Variants in ADGRL1 observed in about 807,000 individuals in gnomAD.
ADGRL1 encodes adhesion G protein-coupled receptor L1, also known as CIRL-1.
Under a neutral mutation model 148.9 loss-of-function variants are expected in ADGRL1, and 31 were observed. The observed-to-expected ratio is 0.21, with a 90% CI of 0.16 to 0.28. The LOEUF is 0.28. Among genes scored for constraint, ADGRL1 ranks in the 10% least tolerant of loss-of-function variants. The probability of loss-of-function intolerance (pLI) is 1.00; values close to 1 mark genes in which losing one functional copy is unlikely to be tolerated. For synonymous variants in ADGRL1, 937 were observed against 900.3 expected, an observed-to-expected ratio of 1.04 and a Z score of -0.73; for missense variants, 1,521 against 2,058.8, an observed-to-expected ratio of 0.74 and a Z score of 5.05.
intron 1 of ADGRL1, among the ~76,000 whole-genome samples, chr19:14,195,368 C>T (rs1349445970): frequency 6.6e-6 from 1 of 151,270 alleles, no homozygotes; most frequent in Non-Finnish European, 1.5e-5. Context: ...GGAGGAGAAG[C>T]GGCTGCTGGG....
intron 4 of ADGRL1, among the ~76,000 whole-genome samples, chr19:14,168,148 G>A (rs1970160950): frequency 6.6e-6 from 1 of 151,428 alleles, no homozygotes; most frequent in Non-Finnish European, 1.5e-5. Flanking sequence ...CTGCATCCCT[G>A]GCCCCTCAGG....
chr19:14,181,338 T>C (rs976105582), intron 2 of ADGRL1, among the ~76,000 whole-genome samples: 6 of 152,238 alleles, frequency 3.9e-5, no homozygotes, highest in African/African-American at 1.4e-4. Flanking sequence ...TCGGGCCCCA[T>C]ACTCGGCCTG....
Position 14,161,434 on chromosome 19 carries a change from G to C in ADGRL1, c.1388C>G (p.Pro463Arg), listed in dbSNP as rs749881139. 1 of 1,483,194 alleles carries C rather than the reference G, an allele frequency of 6.7e-7. No homozygotes were observed. Among genetic ancestry groups the C allele is most frequent in the South Asian group, 1.3e-5 (1 of 74,280 alleles). 91.9% of individuals were successfully genotyped at this position (1,483,194 alleles called of 1,614,324 possible). Residue 463 changes from proline (P) to arginine (R), a missense_variant, in exon 6 of 23, where the codon CCA (proline) becomes CGA (arginine). Physicochemically the swap from Pro to Arg is moderately radical, Grantham distance 103. Coordinates refer to ENST00000361434, the MANE Select transcript of ADGRL1 (RefSeq NM_014921.5). This position sits in a 1 kb window ranked among gnomAD's most constrained non-coding sequence, Gnocchi z 4.4. ...AGGGGACACGTGTAGATTCGGGGCT[G>C]GGGGCCGCCGGGTGCTGGGGACTGG... is the stretch of plus-strand genomic sequence containing the variant. Reference protein sequence around the residue: ...TAPVPSTRRPPAPNLHVSPEL... With the variant: ...TAPVPSTRRPRAPNLHVSPEL...
chr19:14,158,603 C>G (rs1969014064), intron 11 of ADGRL1, 51 bp from the exon 12 acceptor site: 1 of 1,469,020 alleles, frequency 6.8e-7, no homozygotes, highest in Middle Eastern at 1.8e-4. Context: ...GCTGGCGCAC[C>G]TCCATCCAGG....
At chr19:14,198,374 C>T (rs547018670) in intron 1 of ADGRL1, among the ~76,000 whole-genome samples, 1 of 152,054 alleles carries the variant, frequency 6.6e-6, no homozygotes, top group Non-Finnish European at 1.5e-5. Context: ...CTCTACCCCA[C>T]CTGTCCCTTG....
intron 2 of ADGRL1, among the ~76,000 whole-genome samples, chr19:14,182,226 G>A (rs1018582534): frequency 6.6e-6 from 1 of 152,206 alleles, no homozygotes; most frequent in African/African-American, 2.4e-5. Context: ...GCAGTGAGAT[G>A]ATATGAATGC....
chr19:14,204,723 A>T (rs1386133347), intron 1 of ADGRL1, among the ~76,000 whole-genome samples: 8 of 146,918 alleles, frequency 5.4e-5, no homozygotes, highest in Non-Finnish European at 1.1e-4. Flanking sequence ...TGAGAGAGAG[A>T]GAGAGAGAGA....
intron 1 of ADGRL1, among the ~76,000 whole-genome samples, chr19:14,193,807 G>T (rs549311156): frequency 1.3e-5 from 2 of 152,308 alleles, no homozygotes; most frequent in African/African-American, 4.8e-5. Context: ...GATGCTTCTA[G>T]AAGCCAGGGA....
At chr19:14,174,858 T>TTTTTC (rs1568605394) in intron 3 of ADGRL1, among the ~76,000 whole-genome samples, 1 of 136,772 alleles carries the variant, frequency 7.3e-6, no homozygotes. Flanking sequence ...TTTTTTTTTT[T>TTTTTC]AGAGACAGGG....
chr19:14,205,796 G>A (rs944947928), intron 1 of ADGRL1, among the ~76,000 whole-genome samples, 189 bp downstream of exon 1: 4 of 151,410 alleles, frequency 2.6e-5, no homozygotes, highest in Non-Finnish European at 5.9e-5. Context: ...CAGTGGGGGT[G>A]AGGTGCGGGC....
chr19:14,173,310 C>T (rs758929632), intron 3 of ADGRL1, among the ~76,000 whole-genome samples: 9 of 152,032 alleles, frequency 5.9e-5, no homozygotes, highest in African/African-American at 9.7e-5. Flanking sequence ...TTGCCCAGGA[C>T]GGAGAGCAGC....
At chr19:14,197,898 G>T (rs1020868118) in intron 1 of ADGRL1, among the ~76,000 whole-genome samples, 1 of 152,206 alleles carries the variant, frequency 6.6e-6, no homozygotes, top group Non-Finnish European at 1.5e-5. Flanking sequence ...TGTTTACCGA[G>T]TTCCCAACTG....
At chr19:14,183,072 G>A (rs751688526) in intron 2 of ADGRL1, among the ~76,000 whole-genome samples, 4 of 152,202 alleles carry the variant, frequency 2.6e-5, no homozygotes, top group Non-Finnish European at 4.4e-5. Flanking sequence ...TAATAGTGGC[G>A]TGTGCAGGAT....
At chr19:14,187,393 A>G (rs1971640183) in intron 1 of ADGRL1, among the ~76,000 whole-genome samples, 1 of 152,160 alleles carries the variant, frequency 6.6e-6, no homozygotes, top group South Asian at 2.1e-4. Context: ...AGATCCCCAC[A>G]GGGCAGGACA....
intron 1 of ADGRL1, among the ~76,000 whole-genome samples, chr19:14,202,180 G>A (rs1972657406): frequency 6.6e-6 from 1 of 152,036 alleles, no homozygotes; most frequent in Non-Finnish European, 1.5e-5. Flanking sequence ...AGAGTTTGGG[G>A]CTACCCTCGA....
intron 3 of ADGRL1, among the ~76,000 whole-genome samples, chr19:14,174,107 C>T (rs1321400378): frequency 6.6e-6 from 1 of 152,132 alleles, no homozygotes; most frequent in African/African-American, 2.4e-5. Flanking sequence ...AACTATTCTG[C>T]ACAGCATTCC....
intron 1 of ADGRL1, among the ~76,000 whole-genome samples, chr19:14,200,452 G>A (rs1291407159): frequency 6.6e-6 from 1 of 152,220 alleles, no homozygotes; most frequent in African/African-American, 2.4e-5. Context: ...GCCTGCCTTT[G>A]TACAGCTGGT....
At chr19:14,198,658 A>G (rs1232925814) in intron 1 of ADGRL1, among the ~76,000 whole-genome samples, 1 of 151,510 alleles carries the variant, frequency 6.6e-6, no homozygotes, top group East Asian at 1.9e-4. Context: ...TCCAGCCAGC[A>G]GCCTCCAGCT....
chr19:14,159,460 A>C lies in ADGRL1; in HGVS notation c.1964T>G (p.Phe655Cys). 7 of 1,613,318 alleles carry C rather than the reference A, an allele frequency of 4.3e-6. No homozygotes were observed. Among genetic ancestry groups the C allele is most frequent in the Non-Finnish European group, 5.9e-6 (7 of 1,179,752 alleles). The change falls in exon 10 of 23, where the codon TTC (phenylalanine) becomes TGC (cysteine). Residue 655 changes from phenylalanine (F) to cysteine (C), a missense_variant. By Grantham distance (205) the Phe-to-Cys change is radical. Transcript: ENST00000361434. The surrounding 1 kb of genome is among the most constrained non-coding windows in gnomAD (Gnocchi z 6.0). ...CTCCCTGACATTGTCGGCCAGCAGG[A>C]AGGCGCCCTCCTCCAGGACGTCGAG... ...MLLDVLEEGA[F>C]LLADNVREPA...
Sources: gnomAD v4.1 joint callset for allele counts (sites outside exome capture counted in the v4.1 genomes callset) on GRCh38, gnomAD v4.1.1 for gene constraint, Gnocchi (gnomAD v3.1) non-coding constraint, MANE v1.5 for transcripts, NCBI Gene and HGNC (gene_info 2026-07-23, HGNC 2026-07-21) for gene names.